Variants in SORCS3 observed in about 807,000 individuals in gnomAD.
The protein encoded by SORCS3 is VPS10 domain-containing receptor SorCS3.
SORCS3 carries 57 observed loss-of-function variants against 146.3 expected under a neutral mutation model. That is an observed-to-expected ratio of 0.39 (90% CI 0.31 to 0.49). The LOEUF is 0.49. SORCS3 is among the 20% of genes least tolerant of loss of function. The probability of loss-of-function intolerance (pLI) is 0.92; values close to 1 mark genes in which losing one functional copy is unlikely to be tolerated. For missense variants in SORCS3, 1,341 were observed against 1,575.5 expected, an observed-to-expected ratio of 0.85 and a Z score of 2.52; for synonymous variants, 653 against 618.5, an observed-to-expected ratio of 1.06 and a Z score of -0.83.
chr10:105,020,073 A>G (rs887021612), intron 4 of SORCS3, among the ~76,000 whole-genome samples: 11 of 152,176 alleles, frequency 7.2e-5, no homozygotes, highest in African/African-American at 2.7e-4. Flanking sequence ...GGCTTTACTT[A>G]AACCAAGTGA....
intron 14 of SORCS3, among the ~76,000 whole-genome samples, chr10:105,187,059 C>T (rs967625044): frequency 6.6e-6 from 1 of 152,158 alleles, no homozygotes; most frequent in Non-Finnish European, 1.5e-5. Context: ...CTTAAACTTT[C>T]AAGCCCATTA....
chr10:105,178,716 G>C (rs2056424112), intron 14 of SORCS3, among the ~76,000 whole-genome samples: 1 of 152,032 alleles, frequency 6.6e-6, no homozygotes, highest in Non-Finnish European at 1.5e-5. Context: ...CTTAGAAGTT[G>C]ATCACCTGTG....
At chr10:105,116,069 G>A (rs949830876) in intron 7 of SORCS3, among the ~76,000 whole-genome samples, 3 of 152,184 alleles carry the variant, frequency 2.0e-5, no homozygotes, top group Admixed American at 6.5e-5. Flanking sequence ...TAGCTTGGAT[G>A]CATCTCCTAT....
At chr10:104,779,597 T>C (rs1367641814) in intron 1 of SORCS3, among the ~76,000 whole-genome samples, 1 of 152,178 alleles carries the variant, frequency 6.6e-6, no homozygotes, top group Non-Finnish European at 1.5e-5. Flanking sequence ...AGTTCATGCC[T>C]TGTAAAGACA....
At chr10:104,678,814 C>T (rs956965059) in intron 1 of SORCS3, among the ~76,000 whole-genome samples, 1 of 152,130 alleles carries the variant, frequency 6.6e-6, no homozygotes, top group African/African-American at 2.4e-5. Flanking sequence ...ATCACAAAGC[C>T]CTGCTCTGTT....
rs201405282 is a variant in SORCS3, at chr10:105,009,724, TTTTTTCAC to T, written c.954+32245_954+32252del. The stretch of plus-strand genomic sequence containing the variant: ...CATATAATTCAAATTTTTCAATAAT[TTTTTTCAC>T]TTTTTCACTTTTTTTTTCATTTTTT... On this transcript the variant is annotated intron_variant, in intron 4 of 26. Coordinates refer to ENST00000369701, the MANE Select transcript of SORCS3 (RefSeq NM_014978.3). 4.3e-3 allele frequency among the ~76,000 whole-genome samples: 659 copies of T among 151,944 alleles called. 4 individuals carry two copies. The highest frequency in any genetic ancestry group is 0.015 in the African/African-American group (603 of 41,490).
At chr10:104,816,514 C>G (rs898896214) in intron 1 of SORCS3, among the ~76,000 whole-genome samples, 6 of 152,138 alleles carry the variant, frequency 3.9e-5, no homozygotes, top group Admixed American at 6.5e-5. Context: ...AATTATTTTT[C>G]TTTGTCCTGC....
At chr10:105,105,321 A>C in intron 6 of SORCS3, 76 bp from the exon 7 acceptor site, 2 of 838,698 alleles carry the variant, frequency 2.4e-6, no homozygotes, top group Non-Finnish European at 2.0e-6. Context: ...CCCATGAAGT[A>C]GAGTTTTGTA....
At chr10:105,045,037 A>AAAAAAAAAAAGAAAGAAAG (rs796179490) in intron 5 of SORCS3, among the ~76,000 whole-genome samples, 6 of 128,844 alleles carry the variant, frequency 4.7e-5, no homozygotes, top group African/African-American at 8.3e-5. Flanking sequence ...AAAAAAAAAA[A>AAAAAAAAAAAGAAAGAAAG]AAAAGAAAGA....
chr10:104,961,189 C>A (rs192613302), intron 3 of SORCS3, among the ~76,000 whole-genome samples: 1 of 152,244 alleles, frequency 6.6e-6, no homozygotes, highest in East Asian at 1.9e-4. Context: ...TGCACAGTAG[C>A]AACTTGGATG....
At position 105,223,207 on chromosome 10, in the gene SORCS3, G is replaced by A; in HGVS notation, c.2826G>A (p.Leu942=). Residue 942 remains leucine (L), a synonymous_variant, in exon 20 of 27, where the codon CTG becomes CTA. Coordinates refer to ENST00000369701, the MANE Select transcript of SORCS3 (RefSeq NM_014978.3). ...GTGCAGTCGTGTGGCCCAGTCAACTGGGGACCCTTACCTATTTCTGGTGGT... is the reference window on the plus strand; with the variant it reads ...GTGCAGTCGTGTGGCCCAGTCAACTAGGGACCCTTACCTATTTCTGGTGGT... ...NISAVVWPSQ[L]GTLTYFWWFG... 6.2e-7 allele frequency: 1 copy of A among 1,612,868 alleles called. No individual in the cohort carries two copies. Among genetic ancestry groups the A allele is most frequent in the Non-Finnish European group, 8.5e-7 (1 of 1,179,186 alleles).
chr10:105,253,776 C>T (rs749579701), intron 23 of SORCS3, among the ~76,000 whole-genome samples: 9 of 152,144 alleles, frequency 5.9e-5, no homozygotes, highest in African/African-American at 9.7e-5. Context: ...AGACATTGAG[C>T]GGTAGAGATG....
intron 1 of SORCS3, among the ~76,000 whole-genome samples, chr10:104,644,423 C>T (rs1473494070): frequency 6.6e-6 from 1 of 152,228 alleles, no homozygotes; most frequent in Non-Finnish European, 1.5e-5. Flanking sequence ...CTCACATGGC[C>T]CTGTCTTTGA....
chr10:104,712,572 G>C (rs1261756351), intron 1 of SORCS3, among the ~76,000 whole-genome samples: 2 of 152,212 alleles, frequency 1.3e-5, no homozygotes, highest in African/African-American at 4.8e-5. Context: ...CTTGTCATAG[G>C]TGAGCTAGTT....
At chr10:104,943,715 G>A (rs962563388) in intron 3 of SORCS3, among the ~76,000 whole-genome samples, 5 of 152,034 alleles carry the variant, frequency 3.3e-5, no homozygotes, top group Admixed American at 2.0e-4. Flanking sequence ...TTAACAAGCT[G>A]ATTCTAAAAT....
At chr10:104,992,448 T>C (rs538130419) in intron 4 of SORCS3, among the ~76,000 whole-genome samples, 1 of 152,374 alleles carries the variant, frequency 6.6e-6, no homozygotes, top group South Asian at 2.1e-4. Flanking sequence ...TCTCCCTTTG[T>C]ATTTGAAAAT....
At chr10:104,924,824 G>A (rs1564714519) in intron 3 of SORCS3, among the ~76,000 whole-genome samples, 1 of 152,158 alleles carries the variant, frequency 6.6e-6, no homozygotes, top group Non-Finnish European at 1.5e-5. Flanking sequence ...TTGTATGGGA[G>A]GGTTGTTAGC....
At chr10:105,056,505 T>C (rs790727) in intron 5 of SORCS3, among the ~76,000 whole-genome samples, 110,849 of 152,134 alleles carry the variant, frequency 0.73, 40,889 homozygotes, top group East Asian at 0.85. Flanking sequence ...TTTGGACTTG[T>C]CTATCTTGGT....
rs562726896 is a variant in SORCS3, at chr10:104,699,315, T to A, written c.627+57361T>A. 2.6e-4 allele frequency among the ~76,000 whole-genome samples: 40 copies of A among 152,276 alleles called. No homozygotes were observed. In the South Asian group the frequency reaches 7.7e-3, roughly 29 times the overall value. On this transcript the variant is annotated intron_variant, in intron 1 of 26. Transcript: ENST00000369701. ...GCTCTTGATGGGGGAGGTTCTGTGG[T>A]ATTAGAAAACTTGTTTCCCTGGAGT...
Sources: allele counts gnomAD v4.1 joint callset (sites outside exome capture counted in the v4.1 genomes callset), GRCh38; gene constraint gnomAD v4.1.1; transcripts MANE v1.5; gene names NCBI Gene and HGNC (gene_info 2026-07-23, HGNC 2026-07-21).